The following CPNE5 variants were observed in gnomAD, a reference collection of about 807,000 sequenced individuals.
The protein encoded by CPNE5 is copine 5.
CPNE5 carries 42 observed loss-of-function variants against 81.1 expected under a neutral mutation model. That is an observed-to-expected ratio of 0.52 (90% CI 0.40 to 0.67). The LOEUF is 0.67. Ranked by LOEUF, CPNE5 falls within the 30% of genes least tolerant of loss-of-function variation. The pLI is 0.00. For missense variants in CPNE5, 612 were observed against 815.5 expected, an observed-to-expected ratio of 0.75 and a Z score of 3.04; for synonymous variants, 313 against 321.5, an observed-to-expected ratio of 0.97 and a Z score of 0.28.
chr6:36,808,247 C>T (rs369914071), intron 3 of CPNE5, among the ~76,000 whole-genome samples: 5 of 152,102 alleles, frequency 3.3e-5, no homozygotes, highest in African/African-American at 9.7e-5. Flanking sequence ...CCTGCCACCA[C>T]GCCTGGCTAA....
intron 12 of CPNE5, among the ~76,000 whole-genome samples, chr6:36,761,282 A>G (rs16889080): frequency 0.013 from 2,000 of 152,338 alleles, 44 homozygotes; most frequent in African/African-American, 0.046. Flanking sequence ...AATGTACTGT[A>G]TTAGAGCCCT....
At chr6:36,803,258 A>T (rs921912340) in intron 3 of CPNE5, among the ~76,000 whole-genome samples, 2 of 152,066 alleles carry the variant, frequency 1.3e-5, no homozygotes, top group Non-Finnish European at 2.9e-5. Context: ...CAACCTCCTA[A>T]GGGGCCCCCA....
At chr6:36,778,107 G>C (rs1050616248) in intron 9 of CPNE5, among the ~76,000 whole-genome samples, 1 of 152,124 alleles carries the variant, frequency 6.6e-6, no homozygotes, top group Non-Finnish European at 1.5e-5. Context: ...TAATCCAACT[G>C]GTTCATTTTA....
At chr6:36,791,915 A>G in intron 8 of CPNE5, 118 bp downstream of exon 8, 1 of 857,896 alleles carries the variant, frequency 1.2e-6, no homozygotes, top group Non-Finnish European at 2.0e-6. Flanking sequence ...TATGACAGCC[A>G]GGTCAGCATC....
At chr6:36,822,863 G>C (rs4711470) in intron 2 of CPNE5, among the ~76,000 whole-genome samples, 195 bp downstream of exon 2, 2 of 152,030 alleles carry the variant, frequency 1.3e-5, no homozygotes. Flanking sequence ...CTTCACAAGC[G>C]TGCAGGCTGG....
chr6:36,787,798 T>C (rs1235551720), intron 8 of CPNE5, among the ~76,000 whole-genome samples: 1 of 152,152 alleles, frequency 6.6e-6, no homozygotes, highest in Non-Finnish European at 1.5e-5. Flanking sequence ...CACACCCTTC[T>C]TCCTCCATCA....
rs376722950 is a variant in CPNE5, at chr6:36,775,136, G to A, written c.633-71C>T. 3 of 1,114,490 alleles carry A rather than the reference G, an allele frequency of 2.7e-6. No homozygotes were observed. In the East Asian group the frequency reaches 7.1e-5, roughly 26 times the overall value. The allele number at this position is 1,114,490 out of a possible 1,614,324, so 69.0% of individuals were successfully genotyped here. ...GGGAGGCGAATGCAGGTCAACAGAG[G>A]AGTCAGCTGGTTCACATCTCTGGTT... On this transcript the variant is annotated intron_variant, in intron 9 of 20. Transcript: ENST00000244751.
intron 12 of CPNE5, 33 bp from the exon 13 acceptor site, chr6:36,756,331 G>T: frequency 1.2e-6 from 2 of 1,600,736 alleles, no homozygotes; most frequent in Non-Finnish European, 1.7e-6. Flanking sequence ...GGTAAGGCAT[G>T]CTTCCAGGCA....
chr6:36,808,741 TA>T (rs1770828464), intron 3 of CPNE5, among the ~76,000 whole-genome samples: 1 of 152,236 alleles, frequency 6.6e-6, no homozygotes, highest in Non-Finnish European at 1.5e-5. Flanking sequence ...CACAGAGCCC[TA>T]CTGCGTGCCA....
intron 1 of CPNE5, among the ~76,000 whole-genome samples, chr6:36,825,717 A>G (rs1392584554): frequency 6.6e-6 from 1 of 152,172 alleles, no homozygotes; most frequent in East Asian, 1.9e-4. Flanking sequence ...CCCTGGGCCG[A>G]CATTCTCATC....
At chr6:36,813,970 C>G (rs1346847470) in intron 3 of CPNE5, among the ~76,000 whole-genome samples, 1 of 152,172 alleles carries the variant, frequency 6.6e-6, no homozygotes, top group Non-Finnish European at 1.5e-5. Context: ...GGTCTCTTAG[C>G]CCCTTTTTAT....
intron 11 of CPNE5, among the ~76,000 whole-genome samples, chr6:36,763,862 CG>C (rs11288277): frequency 0.08 from 12,202 of 152,166 alleles, 750 homozygotes; most frequent in East Asian, 0.17. Context: ...ACAATGAGAG[CG>C]ATGTCCAGCT....
chr6:36,818,420 T>C (rs1771749796), intron 3 of CPNE5, among the ~76,000 whole-genome samples: 1 of 152,162 alleles, frequency 6.6e-6, no homozygotes, highest in South Asian at 2.1e-4. Flanking sequence ...TTGACCCATC[T>C]CCCTATTTTC....
intron 9 of CPNE5, among the ~76,000 whole-genome samples, 184 bp downstream of exon 9, chr6:36,778,668 CGA>C (rs1333572806): frequency 6.6e-6 from 1 of 152,158 alleles, no homozygotes. Context: ...CACCTCCCAC[CGA>C]CCACACCTAG....
rs1316129109 is a variant in CPNE5, at chr6:36,746,828, T to C, written c.1019-251A>G. ...GTCTCCTAACTGATCTCCCACTTCC[T>C]TCTGCCCCTGTGCCTCCAGCCCATA... On this transcript the variant is annotated intron_variant, in intron 15 of 20. Coordinates refer to ENST00000244751, the MANE Select transcript of CPNE5 (RefSeq NM_020939.2). The surrounding 1 kb of genome is among the most constrained non-coding windows in gnomAD (Gnocchi z 4.5). 3.3e-5 allele frequency among the ~76,000 whole-genome samples: 5 copies of C among 152,130 alleles called. No homozygotes were observed. The highest frequency in any genetic ancestry group is 1.2e-4 in the African/African-American group (5 of 41,412).
At chr6:36,792,137 G>C (rs780571454) in intron 7 of CPNE5, 41 bp from the exon 8 acceptor site, 1 of 1,588,816 alleles carries the variant, frequency 6.3e-7, no homozygotes, top group African/African-American at 1.3e-5. Flanking sequence ...GCCAGACAAA[G>C]ACAGAGCCAT....
intron 4 of CPNE5, among the ~76,000 whole-genome samples, chr6:36,799,073 C>T (rs1385072616): frequency 6.6e-6 from 1 of 152,152 alleles, no homozygotes; most frequent in Non-Finnish European, 1.5e-5. Context: ...CACCTGGGGC[C>T]TGCTCACCGG....
Position 36,795,688 on chromosome 6 carries a change from C to T in CPNE5, c.405-1039G>A, listed in dbSNP as rs187140528. On this transcript the variant is annotated intron_variant, in intron 6 of 20. Transcript: ENST00000244751. ...GACATCTTGATCTCCGACGTCTAGC[C>T]GCCAGAATTGTGAGAAAATCAATTT... Among the ~76,000 whole-genome samples the T allele has an allele frequency of 2.6e-5, 4 of 152,260 alleles. No homozygotes were observed. In the East Asian group the frequency reaches 7.7e-4, roughly 29 times the overall value.
At chr6:36,774,306 C>T (rs1221829934) in intron 10 of CPNE5, among the ~76,000 whole-genome samples, 2 of 152,048 alleles carry the variant, frequency 1.3e-5, no homozygotes, top group African/African-American at 4.8e-5. Flanking sequence ...TCGCTTGAGC[C>T]TGGGAGGTCC....
Sources: allele counts gnomAD v4.1 joint callset (sites outside exome capture counted in the v4.1 genomes callset), GRCh38; gene constraint gnomAD v4.1.1; non-coding constraint Gnocchi (gnomAD v3.1); transcripts MANE v1.5; gene names NCBI Gene and HGNC (gene_info 2026-07-23, HGNC 2026-07-21).